The following HOXA10 variants were observed in gnomAD, a reference collection of about 807,000 sequenced individuals.
The protein encoded by HOXA10 is homeobox A10.
In HOXA10, 12 loss-of-function variants were observed where a neutral mutation model predicts 29.7. That is an observed-to-expected ratio of 0.40 (90% CI 0.26 to 0.65). The LOEUF (loss-of-function observed/expected upper bound fraction) is 0.65, where lower values mean the gene tolerates loss of function less well. HOXA10 is among the 30% of genes least tolerant of loss of function. The probability of loss-of-function intolerance (pLI) is 0.37; values close to 1 mark genes in which losing one functional copy is unlikely to be tolerated. For missense variants in HOXA10, 656 were observed against 585.9 expected, an observed-to-expected ratio of 1.12 and a Z score of -1.24; for synonymous variants, 327 against 280.7, an observed-to-expected ratio of 1.16 and a Z score of -1.65.
In HOXA10 at chr7:27,173,425, C is replaced by T. The variant is rs772871958; in HGVS notation, c.882G>A (p.Ala294=). 2 of 1,604,750 alleles carry T rather than the reference C, an allele frequency of 1.2e-6. No individual in the cohort carries two copies. Among genetic ancestry groups the T allele is most frequent in the South Asian group, 2.2e-5 (2 of 90,244 alleles). Residue 294 remains alanine, a synonymous_variant, in exon 1 of 2, where the codon GCG becomes GCA. Coordinates refer to ENST00000283921, the MANE Select transcript of HOXA10 (RefSeq NM_018951.4). ...AGAGCTCCTCCGCGGCCGAGGACGA[C>T]GCGTGCGCCTCCTCGTCGCCCTGCG... ...GGSQGDEEAH[A]SSSAAEELSP...
rs1041888952 is a variant in HOXA10, at chr7:27,173,259, T to C, written c.958+90A>G. 3.8e-6 allele frequency: 6 copies of C among 1,576,212 alleles called. No homozygotes were observed. In the African/African-American group the frequency reaches 5.4e-5, roughly 14 times the overall value. ...GCAGCTTGGGCCAAGGCCGGCCGGC[T>C]GCTGCGCGGGCTCCTAGTTTTCTGA... On this transcript the variant is annotated intron_variant, in intron 1 of 1. Coordinates refer to ENST00000283921, the MANE Select transcript of HOXA10 (RefSeq NM_018951.4).
chr7:27,172,223 G>T (rs374288773), intron 1 of HOXA10, 50 bp from the exon 2 acceptor site: 123 of 1,590,828 alleles, frequency 7.7e-5, no homozygotes, highest in Non-Finnish European at 1.0e-4. Context: ...GGCCACACGG[G>T]CTGCCCGCGG....
chr7:27,179,674 G>A (rs763415552), exon 1 of HOXA10: 2 of 778,478 alleles, frequency 2.6e-6, no homozygotes, highest in Non-Finnish European at 4.8e-6. Context: ...TCACTGCCAA[G>A]GGACAGCTGG....
chr7:27,172,271 C>T lies in HOXA10; in HGVS notation c.959-98G>A, dbSNP rs1583432430. 7.1e-6 allele frequency: 9 copies of T among 1,265,044 alleles called. No individual in the cohort carries two copies. In the East Asian group the frequency reaches 2.1e-4, roughly 29 times the overall value. 78.4% of individuals were successfully genotyped at this position (1,265,044 alleles called of 1,614,324 possible). ...TCCGTTTCTCCCATAAGAGAGATGT[C>T]CCAAGTCACAGAGAAGAGAGTCGTG... On this transcript the variant is annotated intron_variant, in intron 1 of 1. Transcript: ENST00000283921.
intron 1 of HOXA10, chr7:27,172,426 T>G: frequency 2.9e-5 from 16 of 549,164 alleles, no homozygotes; most frequent in East Asian, 1.6e-4. Flanking sequence ...GTTTTAGCGC[T>G]AAGCCGTAGA....
upstream of HOXA10, among the ~76,000 whole-genome samples, chr7:27,176,068 A>G (rs1340043260): frequency 6.6e-6 from 1 of 152,218 alleles, no homozygotes. Flanking sequence ...AGCCACTTCA[A>G]CCTCGGCGCC....
rs369668381 is a variant in HOXA10, at chr7:27,173,759, G to A, written c.548C>T (p.Ala183Val). 2.5e-5 allele frequency: 40 copies of A among 1,605,598 alleles called. No individual in the cohort carries two copies. Among genetic ancestry groups the A allele is most frequent in the Non-Finnish European group, 3.2e-5 (38 of 1,176,616 alleles). ...GAAGGGAGCCAGTTCGGCGGCGGTG[G>A]CCGAGACTTTGGGGCATTTGTCCGC... The part of the protein sequence containing the change: ...DSADKCPKVS[A>V]TAAELAPFPR... The change falls in exon 1 of 2, where the codon GCC becomes GTC. Residue 183 changes from alanine to valine, a missense_variant. Coordinates refer to ENST00000283921, the MANE Select transcript of HOXA10 (RefSeq NM_018951.4).
exon 1 of HOXA10, chr7:27,179,755 C>A: frequency 1.4e-6 from 1 of 724,398 alleles, no homozygotes; most frequent in Non-Finnish European, 2.6e-6. Flanking sequence ...CCAATCACTT[C>A]TTGAGGGTGA....
At chr7:27,172,541 G>T (rs1783525692) in intron 1 of HOXA10, 2 of 307,964 alleles carry the variant, frequency 6.5e-6, no homozygotes, top group Non-Finnish European at 1.2e-5. Flanking sequence ...GTAGCCCCCA[G>T]GCTAGGAGCG....
chr7:27,174,175 G>T lies in HOXA10; in HGVS notation c.132C>A (p.Gly44=). 1 of 1,598,352 alleles carries T rather than the reference G, an allele frequency of 6.3e-7. No individual in the cohort carries two copies. Among genetic ancestry groups the T allele is most frequent in the Non-Finnish European group, 8.5e-7 (1 of 1,179,390 alleles). ...CGCCGCCCCCCGCGCCACCACCACC[G>T]CCGCCTGCCTCGCCTCTGCCCGAGC... The part of the protein sequence containing the change: ...LISSGRGEAG[G]GGGGAGGGGG... The change falls in exon 1 of 2, where the codon GGC becomes GGA. Residue 44 remains glycine, a synonymous_variant. Transcript: ENST00000283921.
upstream of HOXA10, chr7:27,174,369 G>A: frequency 6.3e-7 from 1 of 1,583,072 alleles, no homozygotes; most frequent in Non-Finnish European, 8.5e-7. Flanking sequence ...GGCGCCCGCA[G>A]CCAATCCCGA....
In HOXA10 at chr7:27,171,680, T is replaced by C. The variant is rs564802186; in HGVS notation, c.*219A>G. The stretch of plus-strand genomic sequence containing the variant: ...AGAATTTTAGCATGATATGGCTTTT[T>C]CCCCCAGAAAACAACAAATAAACCA... On this transcript the variant is annotated 3_prime_UTR_variant, in exon 2 of 2. Transcript: ENST00000283921. 3.2e-5 allele frequency: 22 copies of C among 697,206 alleles called. No individual in the cohort carries two copies. The highest frequency in any genetic ancestry group is 4.4e-5 in the South Asian group (3 of 67,794). The allele number at this position is 697,206 out of a possible 1,614,324, so 43.2% of individuals were successfully genotyped here.
rs954110250 is a variant in HOXA10, at chr7:27,171,629, A to G, written c.*270T>C. 1 of 597,650 alleles carries G rather than the reference A, an allele frequency of 1.7e-6. No individual in the cohort carries two copies. Among genetic ancestry groups the G allele is most frequent in the South Asian group, 1.5e-5 (1 of 65,764 alleles). The allele number at this position is 597,650 out of a possible 1,614,324, so 37.0% of individuals were successfully genotyped here. A position where few individuals can be genotyped will look rare whatever the true frequency, so the allele number is the denominator to read the frequency against. On this transcript the variant is annotated 3_prime_UTR_variant, in exon 2 of 2. Transcript: ENST00000283921. Reference sequence around the variant, plus strand: ...GCAAACCCAGCCCAGTCAGGACTTGACACTTAGGACAATATCTATCTCTAT... The same window carrying G: ...GCAAACCCAGCCCAGTCAGGACTTGGCACTTAGGACAATATCTATCTCTAT...
In HOXA10 at chr7:27,173,289, TCTC is replaced by T. The variant is rs1235678410; in HGVS notation, c.958+57_958+59del. The T allele has an allele frequency of 1.9e-5, 30 of 1,604,690 alleles. No homozygotes were observed. The East Asian group carries it at 2.0e-4, about 11-fold the overall frequency. ...CGCGGGCTCCTAGTTTTCTGATCCT[TCTC>T]CTCCTTGTGTCTGCCTGTCTGCCCG... On this transcript the variant is annotated intron_variant, in intron 1 of 1. Coordinates refer to ENST00000283921, the MANE Select transcript of HOXA10 (RefSeq NM_018951.4).
intron 1 of HOXA10, among the ~76,000 whole-genome samples, chr7:27,179,451 C>T (rs1445782048): frequency 6.6e-6 from 1 of 152,114 alleles, no homozygotes; most frequent in South Asian, 2.1e-4. Flanking sequence ...GAAATGCTGG[C>T]GCAAGGAGCT....
upstream of HOXA10, among the ~76,000 whole-genome samples, chr7:27,176,999 TG>T (rs965497528): frequency 6.6e-6 from 1 of 152,196 alleles, no homozygotes; most frequent in African/African-American, 2.4e-5. Flanking sequence ...CCTGCCAATT[TG>T]GCTGGCAAGA....
rs1262757935 is a variant in HOXA10, at chr7:27,173,392, G to A, written c.915C>T (p.Ala305=). 1 of 1,611,716 alleles carries A rather than the reference G, an allele frequency of 6.2e-7. No homozygotes were observed. Among genetic ancestry groups the A allele is most frequent in the Admixed American group, 1.7e-5 (1 of 59,996 alleles). Residue 305 remains alanine, a synonymous_variant, in exon 1 of 2, where the codon GCC becomes GCT. Coordinates refer to ENST00000283921, the MANE Select transcript of HOXA10 (RefSeq NM_018951.4). ...SSSAAEELSP[A]PSESSKASPE... ...GCGAGGCTTTGCTGCTCTCGGAAGG[G>A]GCCGGGGAGAGCTCCTCCGCGGCCG...
chr7:27,175,395 C>T (rs1050914113), upstream of HOXA10, among the ~76,000 whole-genome samples: 9 of 152,318 alleles, frequency 5.9e-5, no homozygotes, highest in Middle Eastern at 3.4e-3. Context: ...CTCTCTGTCC[C>T]CTCCCCTCTT....
upstream of HOXA10, chr7:27,175,310 C>T (rs1271223414): frequency 6.6e-6 from 1 of 152,326 alleles, no homozygotes; most frequent in Non-Finnish European, 1.5e-5. Flanking sequence ...GCTTTATGTT[C>T]CTGCTCTCCT....
Sources: gnomAD v4.1 joint callset for allele counts (sites outside exome capture counted in the v4.1 genomes callset) on GRCh38, gnomAD v4.1.1 for gene constraint, MANE v1.5 for transcripts, NCBI Gene and HGNC (gene_info 2026-07-23, HGNC 2026-07-21) for gene names.